AVEN: variants seen among roughly 807,000 people sequenced by gnomAD.
AVEN encodes the protein cell death regulator Aven.
Under a neutral mutation model 38.1 loss-of-function variants are expected in AVEN, and 41 were observed. That is an observed-to-expected ratio of 1.08 (90% CI 0.84 to 1.40). The LOEUF is 1.40. Ranked by LOEUF, AVEN falls within the 40% of genes most tolerant of loss-of-function variation. The pLI is 0.00. For synonymous variants in AVEN, 206 were observed against 171.8 expected, an observed-to-expected ratio of 1.20 and a Z score of -1.56; for missense variants, 605 against 438.8, an observed-to-expected ratio of 1.38 and a Z score of -3.38.
chr15:33,870,815 TG>T (rs1890914409), intron 4 of AVEN, 119 bp downstream of exon 4: 1 of 639,886 alleles, frequency 1.6e-6, no homozygotes, highest in Non-Finnish European at 2.4e-6. Flanking sequence ...TACCTTGATA[TG>T]AAACCCTCAC....
intron 2 of AVEN, among the ~76,000 whole-genome samples, chr15:33,989,512 A>G (rs1320822707): frequency 6.6e-6 from 1 of 151,748 alleles, no homozygotes; most frequent in East Asian, 1.9e-4. Flanking sequence ...GACGCCCACC[A>G]AGTGTTCCTT....
intron 2 of AVEN, among the ~76,000 whole-genome samples, chr15:33,887,083 C>A (rs1024020800): frequency 2.0e-5 from 3 of 152,184 alleles, no homozygotes; most frequent in Non-Finnish European, 4.4e-5. Context: ...ATAAGAAATA[C>A]ATCATAGTTC....
chr15:34,004,571 G>A (rs1298540771), intron 1 of AVEN, among the ~76,000 whole-genome samples: 2 of 152,140 alleles, frequency 1.3e-5, no homozygotes, highest in Non-Finnish European at 2.9e-5. Context: ...TTTATTGTTT[G>A]TTTGTTATAA....
intron 2 of AVEN, among the ~76,000 whole-genome samples, chr15:33,878,276 G>C (rs1356284684): frequency 1.3e-5 from 2 of 152,052 alleles, no homozygotes; most frequent in African/African-American, 4.8e-5. Flanking sequence ...TTATAAAAAT[G>C]TATTCAAAAG....
chr15:34,064,593 G>C (rs929356025), intron 4 of AVEN: 6 of 434,542 alleles, frequency 1.4e-5, no homozygotes, highest in African/African-American at 1.0e-4. Context: ...CTTCACAAGA[G>C]GAAGCACACT....
At chr15:33,919,779 G>A (rs948399800) in intron 2 of AVEN, among the ~76,000 whole-genome samples, 1 of 152,094 alleles carries the variant, frequency 6.6e-6, no homozygotes, top group Admixed American at 6.5e-5. Context: ...CCAGGTATTT[G>A]GCCTCATTCC....
In AVEN at chr15:34,039,126, A is replaced by C. The variant is rs1224386616; in HGVS notation, c.-80T>G. The C allele has an allele frequency of 1.3e-5, 13 of 1,039,544 alleles. No homozygotes were observed. The highest frequency in any genetic ancestry group is 4.5e-4 in the Middle Eastern group (1 of 2,214). The allele number at this position is 1,039,544 out of a possible 1,614,324, so 64.4% of individuals were successfully genotyped here. ...CCTGGCCCCACCGGAAGCGGGCCGC[A>C]CGGAGGAGCCGCGAGCGAAAGGCGC... On this transcript the variant is annotated 5_prime_UTR_variant, in exon 1 of 6. Transcript: ENST00000306730.
chr15:33,926,252 C>T (rs1481072015), intron 2 of AVEN, among the ~76,000 whole-genome samples: 1 of 152,326 alleles, frequency 6.6e-6, no homozygotes, highest in East Asian at 1.9e-4. Flanking sequence ...CTATTTATGG[C>T]TCCTTTCATT....
In AVEN at chr15:34,014,380, AAAAACAAAAAC is replaced by A. The variant is rs1478969317; in HGVS notation, c.268-11182_268-11172del. On this transcript the variant is annotated intron_variant, in intron 1 of 5. Coordinates refer to ENST00000306730, the MANE Select transcript of AVEN (RefSeq NM_020371.3). ...ACTCCATCTCATTAAAAAAAAAAAA[AAAAACAAAAAC>A]AAAAACCACGTTTGAGGATTCTGGG... Among the ~76,000 whole-genome samples the A allele has an allele frequency of 1.6e-4, 19 of 118,842 alleles. 1 individual carries two copies. Among genetic ancestry groups the A allele is most frequent in the East Asian group, 1.0e-3 (4 of 3,926 alleles). The allele number at this position is 118,842 out of a possible 152,430, so 78.0% of individuals were successfully genotyped here.
At chr15:33,862,934 A>G (rs1233638904), downstream of AVEN, among the ~76,000 whole-genome samples, 1 of 152,238 alleles carries the variant, frequency 6.6e-6, no homozygotes, top group Non-Finnish European at 1.5e-5. Flanking sequence ...CTTGAGTTTT[A>G]AAAAGATAAC....
In AVEN at chr15:33,902,812, A is replaced by G. The variant is rs183646989; in HGVS notation, c.446-26817T>C. 2.5e-3 allele frequency among the ~76,000 whole-genome samples: 375 copies of G among 152,236 alleles called. 4 individuals are homozygous for G. Among genetic ancestry groups the G allele is most frequent in the Admixed American group, 3.8e-3 (58 of 15,268 alleles). The stretch of plus-strand genomic sequence containing the variant: ...TCAAGACAACAATCCCATTTTTGAT[A>G]TCATAAAAAATTCTTAGGAATAAAT... On this transcript the variant is annotated intron_variant, in intron 2 of 5. Transcript: ENST00000306730.
chr15:34,006,642 G>C (rs1378077302), intron 1 of AVEN, among the ~76,000 whole-genome samples: 3 of 152,190 alleles, frequency 2.0e-5, no homozygotes, highest in Non-Finnish European at 4.4e-5. Context: ...GTCCTGCCAA[G>C]TGTTTATAAT....
At chr15:33,958,944 T>TTTGGTGACC (rs1273567225) in intron 2 of AVEN, among the ~76,000 whole-genome samples, 1 of 152,186 alleles carries the variant, frequency 6.6e-6, no homozygotes, top group Non-Finnish European at 1.5e-5. Flanking sequence ...ACCAAAAACC[T>TTTGGTGACC]TTGGTGACCT....
chr15:33,890,953 T>G (rs1342145012), intron 2 of AVEN, among the ~76,000 whole-genome samples: 1 of 151,972 alleles, frequency 6.6e-6, no homozygotes, highest in Non-Finnish European at 1.5e-5. Context: ...ACCAAAAATT[T>G]AAAGAATTAG....
At chr15:33,969,819 G>A (rs1380451768) in intron 2 of AVEN, among the ~76,000 whole-genome samples, 2 of 152,020 alleles carry the variant, frequency 1.3e-5, no homozygotes, top group African/African-American at 4.8e-5. Flanking sequence ...CAAAAGCTTT[G>A]ACTCAGGTCA....
At chr15:33,961,531 G>A (rs1452277639) in intron 2 of AVEN, among the ~76,000 whole-genome samples, 3 of 151,936 alleles carry the variant, frequency 2.0e-5, no homozygotes, top group Non-Finnish European at 4.4e-5. Context: ...TAAAGTGTCT[G>A]CACTGGGTGA....
At position 34,022,993 on chromosome 15, in the gene AVEN, T is replaced by C. The variant is rs973509191; in HGVS notation, c.267+15787A>G. ...ACAAGGTCAGGAGTTCAAGACTAGC[T>C]TGGCCAACATGGTGAAACCCCCATC... On this transcript the variant is annotated intron_variant, in intron 1 of 5. Coordinates refer to ENST00000306730, the MANE Select transcript of AVEN (RefSeq NM_020371.3). Among the ~76,000 whole-genome samples the C allele has an allele frequency of 3.9e-5, 6 of 152,104 alleles. No homozygotes were observed. The South Asian group carries it at 8.3e-4, about 21-fold the overall frequency.
Position 33,867,753 on chromosome 15 carries a change from C to A in AVEN, c.715G>T (p.Gly239Trp). Residue 239 changes from glycine to tryptophan, a missense_variant, in exon 5 of 6, where the codon GGG (glycine) becomes TGG (tryptophan). Transcript: ENST00000306730. ...LKGPLGPGGR[G>W]PIFELKSVAA... ...ACAGATTTCAGCTCAAAGATGGGCCCCCTTCCTCCAGGCCCCAAGGGCCCC... is the reference window on the plus strand; with the variant it reads ...ACAGATTTCAGCTCAAAGATGGGCCACCTTCCTCCAGGCCCCAAGGGCCCC... 1 of 1,614,192 alleles carries A rather than the reference C, an allele frequency of 6.2e-7. No homozygotes were observed. The highest frequency in any genetic ancestry group is 1.1e-5 in the South Asian group (1 of 91,078).
downstream of AVEN, chr15:33,854,493 A>G (rs369682517): frequency 6.8e-7 from 1 of 1,480,534 alleles, no homozygotes; most frequent in Admixed American, 2.4e-5. Context: ...ACCCCAGTTC[A>G]GGGATGCCAC....
Sources: allele counts gnomAD v4.1 joint callset (sites outside exome capture counted in the v4.1 genomes callset), GRCh38; gene constraint gnomAD v4.1.1; transcripts MANE v1.5; gene names NCBI Gene and HGNC (gene_info 2026-07-23, HGNC 2026-07-21).